Variants in STAC observed in about 807,000 individuals in gnomAD.
STAC encodes SH3 and cysteine rich domain.
Under a neutral mutation model 48.8 loss-of-function variants are expected in STAC, and 43 were observed. That is an observed-to-expected ratio of 0.88 (90% confidence interval 0.69 to 1.14). The LOEUF is 1.14. Ranked by LOEUF, STAC falls within the 50% of genes most tolerant of loss-of-function variation. The probability of loss-of-function intolerance (pLI) is 0.00; values close to 1 mark genes in which losing one functional copy is unlikely to be tolerated. For missense variants in STAC, 497 were observed against 504.0 expected, an observed-to-expected ratio of 0.99 and a Z score of 0.13; for synonymous variants, 193 against 179.5, an observed-to-expected ratio of 1.07 and a Z score of -0.60.
intron 10 of STAC, among the ~76,000 whole-genome samples, chr3:36,539,289 T>A (rs1699268204): frequency 6.6e-6 from 1 of 152,056 alleles, no homozygotes; most frequent in Admixed American, 6.6e-5. Flanking sequence ...TTGTACAGAT[T>A]ATTTCCTCAC....
At chr3:36,485,629 C>T (rs372228668) in intron 4 of STAC, 1 of 152,582 alleles carries the variant, frequency 6.6e-6, no homozygotes, top group Non-Finnish European at 1.5e-5. Flanking sequence ...TATTTTTTTT[C>T]TCTCTCTGAA....
At chr3:36,479,018 A>G (rs1697569996) in intron 2 of STAC, among the ~76,000 whole-genome samples, 1 of 152,202 alleles carries the variant, frequency 6.6e-6, no homozygotes, top group South Asian at 2.1e-4. Context: ...GAGTTATCAT[A>G]GTGGGATACC....
chr3:36,393,792 A>G (rs944453161), intron 1 of STAC, among the ~76,000 whole-genome samples: 2 of 151,390 alleles, frequency 1.3e-5, no homozygotes, highest in Non-Finnish European at 2.9e-5. Flanking sequence ...TCCAGCTTCC[A>G]GAGCTGTGAG....
intron 2 of STAC, among the ~76,000 whole-genome samples, chr3:36,464,336 C>T (rs1286065312): frequency 6.6e-6 from 1 of 152,054 alleles, no homozygotes; most frequent in Non-Finnish European, 1.5e-5. Context: ...AGTGTCTGTT[C>T]ATATTATTTG....
intron 2 of STAC, among the ~76,000 whole-genome samples, chr3:36,453,945 G>T (rs919759811): frequency 6.6e-6 from 1 of 152,094 alleles, no homozygotes; most frequent in African/African-American, 2.4e-5. Flanking sequence ...TGGGGACTTG[G>T]AGAACCTTTG....
chr3:36,391,879 A>G (rs928929389), intron 1 of STAC, among the ~76,000 whole-genome samples: 1 of 152,158 alleles, frequency 6.6e-6, no homozygotes, highest in Admixed American at 6.5e-5. Context: ...CAATTGAAGG[A>G]CTGAGGTCAG....
In STAC at chr3:36,443,328, G is replaced by A; in HGVS notation, c.112-36G>A. Reference sequence around the variant, plus strand: ...ACAGCCTAGGTCTGCTTGATCCATTGATCGTAAGAGAGACTGTTCTGTCAT... The same window carrying A: ...ACAGCCTAGGTCTGCTTGATCCATTAATCGTAAGAGAGACTGTTCTGTCAT... On this transcript the variant is annotated intron_variant, in intron 1 of 10. Coordinates refer to ENST00000273183, the MANE Select transcript of STAC (RefSeq NM_003149.3). The surrounding 1 kb of genome is among the most constrained non-coding windows in gnomAD (Gnocchi z 4.2). 1 of 1,611,658 alleles carries A rather than the reference G, an allele frequency of 6.2e-7. No homozygotes were observed. Among genetic ancestry groups the A allele is most frequent in the Non-Finnish European group, 8.5e-7 (1 of 1,178,986 alleles).
At chr3:36,454,019 G>A (rs1696774518) in intron 2 of STAC, among the ~76,000 whole-genome samples, 1 of 152,136 alleles carries the variant, frequency 6.6e-6, no homozygotes, top group Non-Finnish European at 1.5e-5. Flanking sequence ...CTAGCTCAGG[G>A]ATTGTAAACA....
intron 2 of STAC, among the ~76,000 whole-genome samples, chr3:36,464,587 C>G (rs144385787): frequency 7.2e-5 from 11 of 152,050 alleles, no homozygotes; most frequent in African/African-American, 2.7e-4. Context: ...ATCCCTCACC[C>G]CTGCAAACTC....
At chr3:36,425,280 C>A (rs1012748975) in intron 1 of STAC, among the ~76,000 whole-genome samples, 1 of 152,158 alleles carries the variant, frequency 6.6e-6, no homozygotes, top group Non-Finnish European at 1.5e-5. Flanking sequence ...AAGAGCATAT[C>A]GCTTTTGTCC....
intron 2 of STAC, among the ~76,000 whole-genome samples, chr3:36,461,992 C>G (rs750996311): frequency 6.6e-5 from 10 of 151,962 alleles, no homozygotes; most frequent in Non-Finnish European, 1.3e-4. Flanking sequence ...ACTTCAATGG[C>G]GTGGGGGCGA....
intron 8 of STAC, among the ~76,000 whole-genome samples, chr3:36,525,136 T>C (rs1698902444): frequency 6.6e-6 from 1 of 152,254 alleles, no homozygotes; most frequent in Non-Finnish European, 1.5e-5. Flanking sequence ...GTGAGGATTT[T>C]ATTCACCAGA....
chr3:36,522,870 T>A (rs1234021074), intron 8 of STAC, among the ~76,000 whole-genome samples: 7 of 152,174 alleles, frequency 4.6e-5, no homozygotes, highest in Non-Finnish European at 1.0e-4. Context: ...GGGCAACTCA[T>A]ACTCCTTCCT....
At chr3:36,409,262 A>G (rs1054746106) in intron 1 of STAC, among the ~76,000 whole-genome samples, 2 of 152,180 alleles carry the variant, frequency 1.3e-5, no homozygotes, top group Non-Finnish European at 2.9e-5. Flanking sequence ...GCTGTTAATG[A>G]GTTGATATTA....
chr3:36,500,028 A>C (rs1698245304), intron 6 of STAC, among the ~76,000 whole-genome samples: 1 of 152,212 alleles, frequency 6.6e-6, no homozygotes, highest in South Asian at 2.1e-4. Context: ...AAATGATAGA[A>C]ACTCAAGGAG....
At chr3:36,500,783 A>G (rs1303960233) in intron 6 of STAC, among the ~76,000 whole-genome samples, 1 of 152,194 alleles carries the variant, frequency 6.6e-6, no homozygotes, top group African/African-American at 2.4e-5. Flanking sequence ...TGTAAAATAA[A>G]AACACTTCTA....
chr3:36,528,818 T>A (rs754952678), intron 9 of STAC, 30 bp from the exon 10 acceptor site: 4 of 1,609,798 alleles, frequency 2.5e-6, no homozygotes, highest in Non-Finnish European at 2.5e-6. Context: ...ATGCTACAAT[T>A]GTGGATGCAT....
At chr3:36,413,978 T>C (rs1462983946) in intron 1 of STAC, among the ~76,000 whole-genome samples, 2 of 152,218 alleles carry the variant, frequency 1.3e-5, no homozygotes, top group African/African-American at 4.8e-5. Flanking sequence ...AAAATTCTTT[T>C]CTTTAAGAAT....
intron 6 of STAC, among the ~76,000 whole-genome samples, chr3:36,500,102 C>A (rs1284429304): frequency 6.6e-6 from 1 of 152,080 alleles, no homozygotes; most frequent in Non-Finnish European, 1.5e-5. Context: ...ATTGGCAAAC[C>A]AGATAGACAA....
Sources: allele counts gnomAD v4.1 joint callset (sites outside exome capture counted in the v4.1 genomes callset), GRCh38; gene constraint gnomAD v4.1.1; non-coding constraint Gnocchi (gnomAD v3.1); transcripts MANE v1.5; gene names NCBI Gene and HGNC (gene_info 2026-07-23, HGNC 2026-07-21).